The following DLC1 variants were observed in gnomAD, a reference collection of about 807,000 sequenced individuals.
DLC1 encodes the protein DLC1 Rho GTPase activating protein.
Under a neutral mutation model 140.3 loss-of-function variants are expected in DLC1, and 54 were observed. That is an observed-to-expected ratio of 0.38 (90% CI 0.31 to 0.48). The LOEUF (loss-of-function observed/expected upper bound fraction) is 0.48, where lower values mean the gene tolerates loss of function less well. DLC1 is among the 20% of genes least tolerant of loss of function. The probability of loss-of-function intolerance (pLI) is 0.96; values close to 1 mark genes in which losing one functional copy is unlikely to be tolerated. For synonymous variants in DLC1, 986 were observed against 728.1 expected (o/e 1.35, Z -5.70); for missense variants, 2,536 against 1,907.0 (o/e 1.33, Z -6.14).
intron 1 of DLC1, chr8:13,567,119 G>T: frequency 6.4e-7 from 1 of 1,551,766 alleles, no homozygotes. Context: ...TCCTCTGGAG[G>T]ACGGCAGTCC....
intron 4 of DLC1, among the ~76,000 whole-genome samples, chr8:13,355,064 T>C (rs1834863744): frequency 6.6e-6 from 1 of 152,164 alleles, no homozygotes; most frequent in Non-Finnish European, 1.5e-5. Context: ...ATCATCTTAC[T>C]GCACTATCAA....
Position 13,168,242 on chromosome 8 carries a change from G to A in DLC1, c.1349-52585C>T, listed in dbSNP as rs140253946. Among the ~76,000 whole-genome samples, 1,398 of 152,170 alleles carry A rather than the reference G, an allele frequency of 9.2e-3. 15 individuals carry two copies. Among genetic ancestry groups the A allele is most frequent in the Middle Eastern group, 0.034 (10 of 294 alleles). ...AGCCTTTAGATTAGAATGGCTTCCC[G>A]AGAAAGAAGTTTATAAATTTGATTA... On this transcript the variant is annotated intron_variant, in intron 5 of 17. Coordinates refer to ENST00000276297, the MANE Select transcript of DLC1 (RefSeq NM_182643.3).
rs973580686 is a variant in DLC1, at chr8:13,100,088, C to A, written c.2249G>T (p.Ser750Ile). ...TSSSSSQSET[S>I]SAVSTPSPVT... ...AGGGCTGGGCGTGCTGACCGCGCTG[C>A]TGGTCTCCGACTGGCTGCTGCTGCT... The change falls in exon 9 of 18, where the codon AGC becomes ATC. Residue 750 changes from serine to isoleucine, a missense_variant. By Grantham distance (142) the Ser-to-Ile change is moderately radical. Coordinates refer to ENST00000276297, the MANE Select transcript of DLC1 (RefSeq NM_182643.3). 5.6e-6 allele frequency: 9 copies of A among 1,613,688 alleles called. No individual in the cohort carries two copies. Among genetic ancestry groups the A allele is most frequent in the Non-Finnish European group, 7.6e-6 (9 of 1,180,052 alleles).
In DLC1 at chr8:13,113,641, T is replaced by A. The variant is rs80104189; in HGVS notation, c.1420+1945A>T. 3.3e-3 allele frequency among the ~76,000 whole-genome samples: 501 copies of A among 152,356 alleles called. 1 individual carries two copies. Among genetic ancestry groups the A allele is most frequent in the African/African-American group, 0.01 (435 of 41,584 alleles). On this transcript the variant is annotated intron_variant, in intron 6 of 17. Transcript: ENST00000276297. The stretch of plus-strand genomic sequence containing the variant: ...ACAGCCACTTTGGTGTTACTGCCAA[T>A]GCAGTTGTCTTTCCTTATCTCCAGT...
At chr8:13,601,832 G>T (rs1563468915) in intron 1 of DLC1, among the ~76,000 whole-genome samples, 1 of 151,726 alleles carries the variant, frequency 6.6e-6, no homozygotes, top group East Asian at 1.9e-4. Context: ...ACCCTTCTTT[G>T]GTGATTTTGC....
At chr8:13,116,027 C>G (rs1585670868) in intron 5 of DLC1, 2 of 583,094 alleles carry the variant, frequency 3.4e-6, no homozygotes, top group African/African-American at 2.0e-5. Flanking sequence ...TATTGTACTA[C>G]TTTTCACTTC....
chr8:13,375,788 C>T (rs1301321490), intron 4 of DLC1, among the ~76,000 whole-genome samples: 1 of 151,938 alleles, frequency 6.6e-6, no homozygotes, highest in Non-Finnish European at 1.5e-5. Flanking sequence ...AAAGCTTGGC[C>T]ATCATTTGAA....
chr8:13,551,075 C>CTT (rs1554542231), intron 1 of DLC1, among the ~76,000 whole-genome samples: 1,316 of 121,668 alleles, frequency 0.011, 13 homozygotes, highest in Non-Finnish European at 0.016. Flanking sequence ...CACACACACA[C>CTT]TTTTTTTTTT....
intron 7 of DLC1, among the ~76,000 whole-genome samples, chr8:13,109,605 C>A (rs1217204450): frequency 1.4e-5 from 2 of 147,856 alleles, no homozygotes. Flanking sequence ...AAAAAACAGG[C>A]TGGGTGCGGT....
At position 13,110,941 on chromosome 8, in the gene DLC1, G is replaced by C. The variant is rs1317723720; in HGVS notation, c.1421-118C>G. ...GCAATATACTAAGCACCTACTGTAG[G>C]ACACCTCATTCCCCGTCAAGTTCTA... On this transcript the variant is annotated intron_variant, in intron 6 of 17. Coordinates refer to ENST00000276297, the MANE Select transcript of DLC1 (RefSeq NM_182643.3). The C allele has an allele frequency of 1.2e-5, 10 of 832,928 alleles. No homozygotes were observed. In the African/African-American group the frequency reaches 1.7e-4, roughly 14 times the overall value. 51.6% of individuals were successfully genotyped at this position (832,928 alleles called of 1,614,324 possible).
intron 5 of DLC1, among the ~76,000 whole-genome samples, chr8:13,149,611 C>T (rs1357468529): frequency 1.3e-5 from 2 of 152,144 alleles, no homozygotes; most frequent in African/African-American, 2.4e-5. Context: ...CTCTTCCTGC[C>T]CAAGCATGAC....
At chr8:13,093,218 G>A (rs1818231600) in intron 12 of DLC1, among the ~76,000 whole-genome samples, 1 of 152,008 alleles carries the variant, frequency 6.6e-6, no homozygotes, top group Admixed American at 6.6e-5. Flanking sequence ...TAGTGTTGAT[G>A]AAAAATCTTA....
intron 1 of DLC1, among the ~76,000 whole-genome samples, chr8:13,528,972 C>G (rs1226292381): frequency 6.6e-6 from 1 of 152,144 alleles, no homozygotes; most frequent in African/African-American, 2.4e-5. Context: ...GAACACTGTC[C>G]TTAGCTTATG....
chr8:13,380,860 G>A (rs574545553), intron 4 of DLC1, among the ~76,000 whole-genome samples: 25 of 152,318 alleles, frequency 1.6e-4, no homozygotes, highest in Admixed American at 1.3e-3. Flanking sequence ...CCTTCTTGGA[G>A]GTTATAATAG....
At chr8:13,291,004 G>A (rs1311029178) in intron 5 of DLC1, among the ~76,000 whole-genome samples, 1 of 152,154 alleles carries the variant, frequency 6.6e-6, no homozygotes, top group Non-Finnish European at 1.5e-5. Context: ...TGCCTCCCGG[G>A]TTCAAGGATT....
At chr8:13,510,344 T>G (rs1802305704) in intron 1 of DLC1, among the ~76,000 whole-genome samples, 1 of 152,010 alleles carries the variant, frequency 6.6e-6, no homozygotes, top group Admixed American at 6.6e-5. Flanking sequence ...TGGCTAAAGT[T>G]TTTTGTATTT....
Position 13,099,607 on chromosome 8 carries a change from G to C in DLC1, c.2730C>G (p.Leu910=). The C allele has an allele frequency of 6.2e-7, 1 of 1,614,214 alleles. No homozygotes were observed. Among genetic ancestry groups the C allele is most frequent in the Non-Finnish European group, 8.5e-7 (1 of 1,180,042 alleles). Residue 910 remains leucine, a synonymous_variant, in exon 9 of 18, where the codon CTC becomes CTG. Transcript: ENST00000276297. The part of the protein sequence containing the change: ...EDIFPELDDI[L]YHVKGMQRIV... ...TCCGCTGCATCCCCTTCACGTGGTAGAGGATGTCGTCCAGCTCGGGGAAGA... is the reference window on the plus strand; with the variant it reads ...TCCGCTGCATCCCCTTCACGTGGTACAGGATGTCGTCCAGCTCGGGGAAGA...
chr8:13,328,626 A>G (rs1436127364), intron 4 of DLC1, among the ~76,000 whole-genome samples: 2 of 152,160 alleles, frequency 1.3e-5, no homozygotes, highest in African/African-American at 4.8e-5. Context: ...CTTGGCTGAA[A>G]TATAAGTTTG....
chr8:13,264,841 G>A (rs189903058), intron 5 of DLC1, among the ~76,000 whole-genome samples: 5 of 152,304 alleles, frequency 3.3e-5, no homozygotes, highest in Non-Finnish European at 7.4e-5. Flanking sequence ...AAAACAATGA[G>A]TATGTTATGA....
Sources: gnomAD v4.1 joint callset for allele counts (sites outside exome capture counted in the v4.1 genomes callset) on GRCh38, gnomAD v4.1.1 for gene constraint, MANE v1.5 for transcripts, NCBI Gene and HGNC (gene_info 2026-07-23, HGNC 2026-07-21) for gene names.